Variants in PITPNM2 observed in about 807,000 individuals in gnomAD.
PITPNM2 encodes the protein membrane-associated phosphatidylinositol transfer protein 2.
Under a neutral mutation model 132.2 loss-of-function variants are expected in PITPNM2, and 35 were observed. That is an observed-to-expected ratio of 0.26 (90% CI 0.20 to 0.35). PITPNM2 has a LOEUF of 0.35. PITPNM2 is among the 10% of genes least tolerant of loss of function. PITPNM2 has a pLI of 1.00. For missense variants in PITPNM2, 1,332 were observed against 1,912.0 expected (o/e 0.70, Z 5.66); for synonymous variants, 738 against 799.2 (o/e 0.92, Z 1.29).
chr12:123,048,194 A>C (rs1476151643), intron 2 of PITPNM2, among the ~76,000 whole-genome samples: 1 of 152,226 alleles, frequency 6.6e-6, no homozygotes, highest in Non-Finnish European at 1.5e-5. Context: ...AATATTATTC[A>C]GCCTCAAAAA....
rs1176733899 is a variant in PITPNM2, at chr12:123,056,584, C to T, written c.-95-21899G>A. On this transcript the variant is annotated intron_variant, in intron 2 of 25. Transcript: ENST00000320201. ...GCCCAGACCCAGGAGTGGCCTCCTG[C>T]TGCCGGACACGAAGAGGGAAAGAGC... is the stretch of plus-strand genomic sequence containing the variant. Among the ~76,000 whole-genome samples, 5 of 151,994 alleles carry T rather than the reference C, an allele frequency of 3.3e-5. No individual in the cohort carries two copies. In the East Asian group the frequency reaches 7.7e-4, roughly 23 times the overall value.
chr12:123,057,760 T>C (rs191027454), intron 2 of PITPNM2, among the ~76,000 whole-genome samples: 1 of 151,962 alleles, frequency 6.6e-6, no homozygotes, highest in Admixed American at 6.5e-5. Context: ...CCACCCCTAG[T>C]TGAGGAACAA....
chr12:123,068,220 C>T (rs1346919285), intron 2 of PITPNM2, among the ~76,000 whole-genome samples: 2 of 151,774 alleles, frequency 1.3e-5, no homozygotes, highest in Admixed American at 1.3e-4. Context: ...GTAATCCCAG[C>T]ACTTTGGGAG....
chr12:123,123,626 A>C (rs2043074707), intron 1 of PITPNM2, among the ~76,000 whole-genome samples: 1 of 152,076 alleles, frequency 6.6e-6, no homozygotes, highest in African/African-American at 2.4e-5. Flanking sequence ...AAAAAACAAA[A>C]AAAAATTAAA....
chr12:123,033,810 GC>G (rs1242289449), intron 3 of PITPNM2, among the ~76,000 whole-genome samples: 1 of 152,164 alleles, frequency 6.6e-6, no homozygotes, highest in Non-Finnish European at 1.5e-5. Flanking sequence ...TATGGGTGGG[GC>G]CCTCACAATG....
At position 123,095,620 on chromosome 12, in the gene PITPNM2, G is replaced by C. The variant is rs2042388259; in HGVS notation, c.-96+14765C>G. 6.6e-6 allele frequency among the ~76,000 whole-genome samples: 1 copy of C among 152,096 alleles called. No homozygotes were observed. Among genetic ancestry groups the C allele is most frequent in the Non-Finnish European group, 1.5e-5 (1 of 68,012 alleles). On this transcript the variant is annotated intron_variant, in intron 2 of 25. Coordinates refer to ENST00000320201, the MANE Select transcript of PITPNM2 (RefSeq NM_020845.3). The surrounding 1 kb of genome is among the most constrained non-coding windows in gnomAD (Gnocchi z 5.0). ...TAAAGGCCCTCAACGCTCCCCTTGG[G>C]TTTCAAGGCGACATCTAAGCTCCTT...
intron 1 of PITPNM2, among the ~76,000 whole-genome samples, chr12:123,126,853 A>T (rs995882777): frequency 3.3e-5 from 5 of 152,238 alleles, no homozygotes; most frequent in African/African-American, 1.2e-4. Flanking sequence ...AATGACTGGG[A>T]AAATGTGATG....
intron 2 of PITPNM2, among the ~76,000 whole-genome samples, chr12:123,062,617 G>T (rs2136788782): frequency 6.6e-6 from 1 of 152,274 alleles, no homozygotes; most frequent in East Asian, 1.9e-4. Context: ...GCATATCTCA[G>T]CAGCATCCAA....
chr12:123,029,715 CATGT>C (rs1229213842), intron 3 of PITPNM2, among the ~76,000 whole-genome samples: 19 of 151,208 alleles, frequency 1.3e-4, no homozygotes, highest in Middle Eastern at 3.4e-3. Flanking sequence ...TGTGTGCATG[CATGT>C]GTCTGTATAG....
chr12:123,118,031 T>C (rs925263786), intron 1 of PITPNM2, among the ~76,000 whole-genome samples: 5 of 152,198 alleles, frequency 3.3e-5, no homozygotes, highest in African/African-American at 1.2e-4. Context: ...GGGTCCCCAA[T>C]TCACCACATG....
chr12:123,012,871 G>T, intron 4 of PITPNM2, 137 bp from the exon 5 acceptor site: 2 of 1,176,270 alleles, frequency 1.7e-6, no homozygotes, highest in Admixed American at 2.2e-5. Flanking sequence ...GCCGAGACTT[G>T]CCTGCCCTGT....
chr12:123,064,020 ATGATGG>A lies in PITPNM2; in HGVS notation c.-95-29341_-95-29336del, dbSNP rs1256323967. ...AGCAGCCGCTATTATTACTATAATG[ATGATGG>A]TGATGGTGATGGTGATGCTGGGGAT... is the stretch of plus-strand genomic sequence containing the variant. On this transcript the variant is annotated intron_variant, in intron 2 of 25. Coordinates refer to ENST00000320201, the MANE Select transcript of PITPNM2 (RefSeq NM_020845.3). This position sits in a 1 kb window ranked among gnomAD's most constrained non-coding sequence, Gnocchi z 4.0. 2.6e-5 allele frequency among the ~76,000 whole-genome samples: 4 copies of A among 152,204 alleles called. No individual in the cohort carries two copies. Among genetic ancestry groups the A allele is most frequent in the South Asian group, 2.1e-4 (1 of 4,836 alleles).
At chr12:123,089,526 T>A (rs2042203610) in intron 2 of PITPNM2, 1 of 152,190 alleles carries the variant, frequency 6.6e-6, no homozygotes, top group South Asian at 2.1e-4. Flanking sequence ...TCCTAGAGTC[T>A]CAGGGGTCTT....
intron 2 of PITPNM2, among the ~76,000 whole-genome samples, chr12:123,066,585 A>G (rs2041425219): frequency 6.6e-6 from 1 of 152,160 alleles, no homozygotes; most frequent in Non-Finnish European, 1.5e-5. Context: ...CCTCTCTGCA[A>G]TGCCCATCCT....
At position 123,082,805 on chromosome 12, in the gene PITPNM2, C is replaced by T. The variant is rs2042004505; in HGVS notation, c.-96+27580G>A. ...CATTCACATTGTTGTGCAACATCCC[C>T]ACCATCCTTCTCCAGAACCAATTCA... On this transcript the variant is annotated intron_variant, in intron 2 of 25. Transcript: ENST00000320201. The surrounding 1 kb of genome is among the most constrained non-coding windows in gnomAD (Gnocchi z 5.4). The T allele has an allele frequency of 6.6e-6, 1 of 152,298 alleles. No individual in the cohort carries two copies. The highest frequency in any genetic ancestry group is 2.4e-5 in the African/African-American group (1 of 41,452). 9.4% of individuals were successfully genotyped at this position (152,298 alleles called of 1,614,324 possible). A position where few individuals can be genotyped will look rare whatever the true frequency, so the allele number is the denominator to read the frequency against.
intron 2 of PITPNM2, among the ~76,000 whole-genome samples, chr12:123,094,676 G>T (rs1031973976): frequency 6.6e-6 from 1 of 152,170 alleles, no homozygotes; most frequent in Non-Finnish European, 1.5e-5. Context: ...TGCATCAAAG[G>T]CCCAGACAGC....
At position 123,058,713 on chromosome 12, in the gene PITPNM2, G is replaced by C. The variant is rs1284314034; in HGVS notation, c.-95-24028C>G. The stretch of plus-strand genomic sequence containing the variant: ...GAGGCATTTGCTCAAGGCCCCAAGC[G>C]CTGTAGAAGCTGGTAACTGTTGCCT... On this transcript the variant is annotated intron_variant, in intron 2 of 25. Transcript: ENST00000320201. This position sits in a 1 kb window ranked among gnomAD's most constrained non-coding sequence, Gnocchi z 4.0. Among the ~76,000 whole-genome samples, 4 of 152,062 alleles carry C rather than the reference G, an allele frequency of 2.6e-5. No homozygotes were observed. Among genetic ancestry groups the C allele is most frequent in the Non-Finnish European group, 5.9e-5 (4 of 68,012 alleles).
At chr12:123,131,302 C>T (rs1192767350) in intron 1 of PITPNM2, among the ~76,000 whole-genome samples, 1 of 152,146 alleles carries the variant, frequency 6.6e-6, no homozygotes, top group East Asian at 1.9e-4. Context: ...CATGTGACAA[C>T]TTAGGCAGAG....
chr12:122,990,451 AG>A, intron 17 of PITPNM2, 93 bp downstream of exon 17: 1 of 1,517,720 alleles, frequency 6.6e-7, no homozygotes, highest in Non-Finnish European at 8.9e-7. Flanking sequence ...TAGCTTCATC[AG>A]CTAGAAATGC....
Sources: allele counts gnomAD v4.1 joint callset (sites outside exome capture counted in the v4.1 genomes callset), GRCh38; gene constraint gnomAD v4.1.1; non-coding constraint Gnocchi (gnomAD v3.1); transcripts MANE v1.5; gene names NCBI Gene and HGNC (gene_info 2026-07-23, HGNC 2026-07-21).